The following SPRY3 variants were observed in gnomAD, a reference collection of about 807,000 sequenced individuals.
SPRY3 encodes sprouty RTK signaling antagonist 3, also known as protein sprouty homolog 3.
In SPRY3, 15 loss-of-function variants were observed where a neutral mutation model predicts 20.2. The observed-to-expected ratio is 0.74, with a 90% CI of 0.50 to 1.14. The LOEUF (loss-of-function observed/expected upper bound fraction) is 1.14. Ranked by LOEUF, SPRY3 falls within the 50% of genes most tolerant of loss-of-function variation. The pLI is 0.00. For synonymous variants in SPRY3, 143 were observed against 136.5 expected, an observed-to-expected ratio of 1.05 and a Z score of -0.33; for missense variants, 364 against 363.9, an observed-to-expected ratio of 1.00 and a Z score of 0.00.
At chrX:155,708,027 T>C (rs2090962767) in intron 2 of SPRY3, among the ~76,000 whole-genome samples, 1 of 151,330 alleles carries the variant, frequency 6.6e-6, no homozygotes, top group African/African-American at 2.4e-5. Flanking sequence ...TATTTTATAA[T>C]ATACAATTTT....
intron 1 of SPRY3, among the ~76,000 whole-genome samples, chrX:155,642,526 T>C (rs2067945451): frequency 9.0e-6 from 1 of 111,482 alleles, no homozygotes; most frequent in African/African-American, 3.2e-5. Context: ...TAATTTGGGG[T>C]ATGGTTTACT....
intron 1 of SPRY3, among the ~76,000 whole-genome samples, chrX:155,654,106 C>T (rs1370819245): frequency 2.7e-5 from 3 of 111,902 alleles, no homozygotes; most frequent in Non-Finnish European, 3.8e-5. Context: ...ACCTTTCCCT[C>T]AGTTTAGATT....
At chrX:155,650,655 C>T (rs1165139932) in intron 1 of SPRY3, among the ~76,000 whole-genome samples, 1 of 111,500 alleles carries the variant, frequency 9.0e-6, no homozygotes. Context: ...GTGCAGCAGC[C>T]GTGTGGTGTA....
intron 1 of SPRY3, among the ~76,000 whole-genome samples, chrX:155,628,497 A>T (rs782288043): frequency 1.8e-5 from 2 of 112,415 alleles, no homozygotes; most frequent in South Asian, 7.3e-4. Flanking sequence ...GAAAAAAATA[A>T]AAAAGTGGTC....
intron 2 of SPRY3, among the ~76,000 whole-genome samples, chrX:155,756,028 G>A (rs1244026582): frequency 6.6e-6 from 1 of 152,064 alleles, no homozygotes; most frequent in African/African-American, 2.4e-5. Context: ...CTTTATTGAA[G>A]TTTAACAGAA....
exon 4 of SPRY3, chrX:155,773,959 C>T (rs770512226): frequency 3.0e-5 from 48 of 1,614,004 alleles, no homozygotes; most frequent in Middle Eastern, 3.3e-4. Context: ...CTACGTGGAA[C>T]GGCCTCCAGC....
intron 1 of SPRY3, among the ~76,000 whole-genome samples, chrX:155,642,121 G>A (rs1195046932): frequency 9.0e-6 from 1 of 111,163 alleles, no homozygotes; most frequent in Non-Finnish European, 1.9e-5. Context: ...AGGTAATATG[G>A]CCTCAGAGAA....
chrX:155,727,932 G>T (rs1229221608), intron 2 of SPRY3, among the ~76,000 whole-genome samples: 1 of 152,256 alleles, frequency 6.6e-6, no homozygotes, highest in African/African-American at 2.4e-5. Context: ...CCCCATCTTT[G>T]TGGTTTTATC....
intron 3 of SPRY3, among the ~76,000 whole-genome samples, chrX:155,773,307 G>GTTATATATATATATATATATAT (rs4013148): frequency 8.3e-6 from 1 of 120,740 alleles, no homozygotes; most frequent in African/African-American, 3.1e-5. Context: ...ATTTTGATTG[G>GTTATATATATATATATATATAT]ATATATATAT....
intron 2 of SPRY3, among the ~76,000 whole-genome samples, chrX:155,767,226 G>T (rs949527415): frequency 6.6e-6 from 1 of 151,908 alleles, no homozygotes; most frequent in Non-Finnish European, 1.5e-5. Context: ...CGACACGCGG[G>T]GGGAGGGGGG....
In SPRY3 at chrX:155,773,784, G is replaced by A. The variant is rs2091399569; in HGVS notation, c.-88G>A. The A allele has an allele frequency of 6.9e-7, 1 of 1,459,064 alleles. No individual in the cohort carries two copies. The highest frequency in any genetic ancestry group is 9.3e-7 in the Non-Finnish European group (1 of 1,075,126). 90.4% of individuals were successfully genotyped at this position (1,459,064 alleles called of 1,614,324 possible). ...CTCCTAGGATTTTCTCATGTGCCCT[G>A]AAATCCATGTAACTACAAGGGCTCC... On this transcript the variant is annotated 5_prime_UTR_variant, in exon 4 of 4. It removes the in-frame stop codon of an upstream open reading frame in the 5' UTR. Coordinates refer to ENST00000675360, the Ensembl canonical transcript of SPRY3.
chrX:155,754,160 G>A (rs1391301948), intron 2 of SPRY3, among the ~76,000 whole-genome samples: 1 of 151,920 alleles, frequency 6.6e-6, no homozygotes, highest in Non-Finnish European at 1.5e-5. Context: ...GGAATACTAT[G>A]CCTAATCCAA....
At chrX:155,671,744 T>C (rs1205276256) in intron 2 of SPRY3, among the ~76,000 whole-genome samples, 4 of 111,452 alleles carry the variant, frequency 3.6e-5, no homozygotes, top group Non-Finnish European at 7.5e-5. Flanking sequence ...TGAATGGTAA[T>C]GCCTAGGTTT....
At chrX:155,767,706 AGAGGAGGAGGAGAAAGAGGAG>A (rs1455946000) in intron 2 of SPRY3, 1 of 44,558 alleles carries the variant, frequency 2.2e-5, no homozygotes, top group African/African-American at 5.2e-5. Context: ...AGGAGAAAGA[AGAGGAGGAGGAGAAAGAGGAG>A]GAGGAGGAGA....
chrX:155,772,020 C>T (rs2091384498), intron 3 of SPRY3, among the ~76,000 whole-genome samples: 1 of 152,086 alleles, frequency 6.6e-6, no homozygotes, highest in Non-Finnish European at 1.5e-5. Context: ...GAAACTGAGG[C>T]CCAAAGAAAG....
chrX:155,742,104 T>A (rs1333134892), intron 2 of SPRY3, among the ~76,000 whole-genome samples: 1 of 152,132 alleles, frequency 6.6e-6, no homozygotes, highest in Non-Finnish European at 1.5e-5. Context: ...GAGACCCATC[T>A]CATGTACAAA....
chrX:155,758,901 G>T (rs1255236571), intron 2 of SPRY3, among the ~76,000 whole-genome samples: 1 of 151,942 alleles, frequency 6.6e-6, no homozygotes, highest in Non-Finnish European at 1.5e-5. Context: ...TACATTCTAG[G>T]AATATAAATA....
intron 1 of SPRY3, among the ~76,000 whole-genome samples, chrX:155,649,842 C>G (rs181147657): frequency 6.6e-4 from 74 of 111,423 alleles, no homozygotes; most frequent in African/African-American, 1.9e-3. Flanking sequence ...TCTGTTTGCA[C>G]ATGACATGAC....
chrX:155,679,422 C>G (rs1312312426), intron 2 of SPRY3, among the ~76,000 whole-genome samples: 2 of 95,260 alleles, frequency 2.1e-5, no homozygotes, highest in East Asian at 6.7e-4. Context: ...GATGGTGCCT[C>G]TTGCTGCCTT....
Sources: allele counts gnomAD v4.1 joint callset (sites outside exome capture counted in the v4.1 genomes callset), GRCh38; gene constraint gnomAD v4.1.1; transcripts MANE v1.5; gene names NCBI Gene and HGNC (gene_info 2026-07-23, HGNC 2026-07-21).